Variants in OSBPL6 observed in about 807,000 individuals in gnomAD.
OSBPL6 encodes oxysterol binding protein like 6, also known as oxysterol-binding protein-related protein 6.
In OSBPL6, 49 loss-of-function variants were observed where a neutral mutation model predicts 125.8. The ratio of observed to expected loss-of-function variants is 0.39; its 90% CI spans 0.31 to 0.49. The LOEUF (loss-of-function observed/expected upper bound fraction) is 0.49, where lower values mean the gene tolerates loss of function less well. Among genes scored for constraint, OSBPL6 ranks in the 20% least tolerant of loss-of-function variants. The pLI, the probability that OSBPL6 is intolerant of heterozygous loss-of-function variation, is 0.88. For synonymous variants in OSBPL6, 394 were observed against 391.8 expected (o/e 1.01, Z -0.07); for missense variants, 986 against 1,135.4 (o/e 0.87, Z 1.89).
At position 178,392,446 on chromosome 2, in the gene OSBPL6, C is replaced by T; in HGVS notation, c.2481C>T (p.Gly827=). ...CAACAAACTATGAGCTGTACTATGG[C>T]TTCACAAGGTTTGCTATTGAGCTCA... ...SMPTNYELYY[G]FTRFAIELNE... is the part of the protein sequence containing the mutation. The change falls in exon 23 of 25, where the codon GGC becomes GGT. Residue 827 remains glycine, a synonymous_variant. Transcript: ENST00000190611. 1 of 1,614,006 alleles carries T rather than the reference C, an allele frequency of 6.2e-7. No individual in the cohort carries two copies. Among genetic ancestry groups the T allele is most frequent in the South Asian group, 1.1e-5 (1 of 91,074 alleles).
intron 4 of OSBPL6, 29 bp from the exon 5 acceptor site, chr2:178,328,225 CAT>C (rs1688868425): frequency 3.7e-6 from 6 of 1,611,664 alleles, no homozygotes; most frequent in Middle Eastern, 1.6e-4. Context: ...CACTGAGTAA[CAT>C]GTGATTTGTT....
At position 178,399,858 on chromosome 2, in the gene OSBPL6, AT is replaced by A. The variant is rs1480761657; in HGVS notation, c.*4304del. 6.6e-6 allele frequency: 1 copy of A among 152,150 alleles called. No individual in the cohort carries two copies. Among genetic ancestry groups the A allele is most frequent in the Non-Finnish European group, 1.5e-5 (1 of 68,034 alleles). 9.4% of individuals were successfully genotyped at this position (152,150 alleles called of 1,614,324 possible). A position where few individuals can be genotyped will look rare whatever the true frequency, so the allele number is the denominator to read the frequency against. ...GTTAGCCTCCTAGTGAATACTATTA[AT>A]TTTTCATGGATTACATATTACCATA... On this transcript the variant is annotated 3_prime_UTR_variant, in exon 25 of 25. Coordinates refer to ENST00000190611, the MANE Select transcript of OSBPL6 (RefSeq NM_032523.4).
At chr2:178,213,491 C>T (rs1051292857) in intron 1 of OSBPL6, among the ~76,000 whole-genome samples, 42 of 152,154 alleles carry the variant, frequency 2.8e-4, no homozygotes, top group African/African-American at 9.4e-4. Flanking sequence ...CCATGTGTCT[C>T]CATCCTCATC....
At chr2:178,389,179 G>A in intron 21 of OSBPL6, 26 bp downstream of exon 21, 2 of 1,603,772 alleles carry the variant, frequency 1.2e-6, no homozygotes, top group South Asian at 1.1e-5. Flanking sequence ...CAACAGTAAA[G>A]GAAAATGAGT....
chr2:178,339,579 A>G, intron 10 of OSBPL6, 93 bp from the exon 11 acceptor site: 1 of 965,074 alleles, frequency 1.0e-6, no homozygotes, highest in Non-Finnish European at 1.4e-6. Context: ...TCTAACAATG[A>G]CCTTTAGTAA....
intron 1 of OSBPL6, among the ~76,000 whole-genome samples, chr2:178,258,102 T>G (rs1466286146): frequency 2.0e-5 from 3 of 151,920 alleles, no homozygotes; most frequent in African/African-American, 7.3e-5. Context: ...AAGCTCTAGT[T>G]TTTTTTTCTT....
At chr2:178,357,819 G>A (rs1691949369) in intron 12 of OSBPL6, among the ~76,000 whole-genome samples, 1 of 152,180 alleles carries the variant, frequency 6.6e-6, no homozygotes, top group African/African-American at 2.4e-5. Context: ...CAACAGCAGA[G>A]TCTTGGAACC....
intron 15 of OSBPL6, among the ~76,000 whole-genome samples, chr2:178,376,017 G>A (rs917287653): frequency 2.0e-5 from 3 of 152,124 alleles, no homozygotes; most frequent in South Asian, 2.1e-4. Flanking sequence ...AAGGTGGAGG[G>A]CAGGGTCGCA....
intron 15 of OSBPL6, among the ~76,000 whole-genome samples, chr2:178,379,338 G>C (rs1313838653): frequency 3.1e-5 from 4 of 130,112 alleles, no homozygotes; most frequent in African/African-American, 9.4e-5. Context: ...AAGGAAGGGA[G>C]GGAGGGAGGG....
At chr2:178,276,522 A>G (rs1010086384) in intron 1 of OSBPL6, among the ~76,000 whole-genome samples, 3 of 151,804 alleles carry the variant, frequency 2.0e-5, no homozygotes, top group African/African-American at 7.3e-5. Context: ...ACAGGTATGC[A>G]CCACCACACC....
intron 1 of OSBPL6, among the ~76,000 whole-genome samples, chr2:178,266,433 T>C (rs1471307418): frequency 6.6e-6 from 1 of 152,198 alleles, no homozygotes; most frequent in Non-Finnish European, 1.5e-5. Flanking sequence ...TTTGGGATTC[T>C]GCCTTTGAAC....
At chr2:178,319,515 CTTCCAACTCCA>C (rs1688053561) in intron 3 of OSBPL6, among the ~76,000 whole-genome samples, 4 of 152,292 alleles carry the variant, frequency 2.6e-5, no homozygotes, top group Admixed American at 2.6e-4. Context: ...ATCTTGTCAC[CTTCCAACTCCA>C]ACCCTTAGTG....
At chr2:178,385,556 A>C (rs759448911) in intron 19 of OSBPL6, 35 bp downstream of exon 19, 1 of 1,477,580 alleles carries the variant, frequency 6.8e-7, no homozygotes, top group East Asian at 2.3e-5. Context: ...AATCAAATGT[A>C]TGAGCCTATG....
upstream of OSBPL6, chr2:178,194,380 A>AG (rs1250324758): frequency 6.6e-6 from 1 of 151,968 alleles, no homozygotes; most frequent in African/African-American, 2.4e-5. Flanking sequence ...GCTCCACTCC[A>AG]GCCGGGCGGA....
At chr2:178,198,433 A>C (rs936704015) in intron 1 of OSBPL6, among the ~76,000 whole-genome samples, 1 of 151,498 alleles carries the variant, frequency 6.6e-6, no homozygotes, top group African/African-American at 2.4e-5. Context: ...AGTAGCTGGG[A>C]CTACAGGTGC....
intron 12 of OSBPL6, among the ~76,000 whole-genome samples, chr2:178,357,323 T>G (rs1382311544): frequency 2.0e-5 from 3 of 152,120 alleles, no homozygotes; most frequent in African/African-American, 7.2e-5. Flanking sequence ...GGGAGAAGAT[T>G]TTTGCAATCT....
intron 1 of OSBPL6, among the ~76,000 whole-genome samples, chr2:178,202,819 CAAAA>C (rs201542787): frequency 3.8e-5 from 3 of 78,170 alleles, no homozygotes; most frequent in African/African-American, 4.6e-5. Context: ...GAGACTGTCT[CAAAA>C]AAAAAAAAAA....
intron 3 of OSBPL6, among the ~76,000 whole-genome samples, chr2:178,312,254 C>A (rs369547855): frequency 1.3e-5 from 2 of 149,998 alleles, no homozygotes; most frequent in Non-Finnish European, 3.0e-5. Flanking sequence ...CTCCGCCTCC[C>A]GGGTTCAAGT....
intron 2 of OSBPL6, among the ~76,000 whole-genome samples, chr2:178,288,183 T>C (rs900353583): frequency 7.9e-5 from 12 of 152,154 alleles, no homozygotes; most frequent in African/African-American, 2.9e-4. Context: ...CTGCCCTGTT[T>C]CTTCCTGTCC....
Sources: gnomAD v4.1 joint callset for allele counts (sites outside exome capture counted in the v4.1 genomes callset) on GRCh38, gnomAD v4.1.1 for gene constraint, MANE v1.5 for transcripts, NCBI Gene and HGNC (gene_info 2026-07-23, HGNC 2026-07-21) for gene names.